The following PARD3B variants were observed in gnomAD, a reference collection of about 807,000 sequenced individuals.
PARD3B encodes the protein partitioning defective 3 homolog B.
PARD3B carries 103 observed loss-of-function variants against 130.2 expected under a neutral mutation model. That is an observed-to-expected ratio of 0.79 (90% confidence interval 0.67 to 0.93). PARD3B has a LOEUF of 0.93. Ranked by LOEUF, PARD3B falls within the 40% of genes least tolerant of loss-of-function variation. The pLI is 0.00. For missense variants in PARD3B, 1,609 were observed against 1,499.2 expected (o/e 1.07, Z -1.21); for synonymous variants, 583 against 553.2 (o/e 1.05, Z -0.76).
chr2:204,682,724 T>A (rs572514649), intron 1 of PARD3B, among the ~76,000 whole-genome samples: 1 of 152,334 alleles, frequency 6.6e-6, no homozygotes, highest in Admixed American at 6.5e-5. Context: ...TTTTTCTTCT[T>A]GGACTACAGG....
At chr2:204,885,194 C>T (rs1234625747) in intron 2 of PARD3B, among the ~76,000 whole-genome samples, 2 of 152,158 alleles carry the variant, frequency 1.3e-5, no homozygotes, top group Non-Finnish European at 2.9e-5. Flanking sequence ...GATGGTATCT[C>T]ATTGTGGTTT....
At chr2:204,618,069 T>G (rs1408626822) in intron 1 of PARD3B, among the ~76,000 whole-genome samples, 5 of 152,212 alleles carry the variant, frequency 3.3e-5, no homozygotes, top group Non-Finnish European at 7.3e-5. Flanking sequence ...CATGTAATTG[T>G]GCTTTCTCCA....
Position 205,525,098 on chromosome 2 carries a change from T to C in PARD3B, c.3180+25067T>C, listed in dbSNP as rs577915224. ...TTTTATTGCCTCACAAAGGCTATTT[T>C]CTTAGCTGCAACTTTCTTATTCACA... On this transcript the variant is annotated intron_variant, in intron 21 of 22. Coordinates refer to ENST00000406610, the MANE Select transcript of PARD3B (RefSeq NM_001302769.2). The surrounding 1 kb of genome is among the most constrained non-coding windows in gnomAD (Gnocchi z 4.2). Among the ~76,000 whole-genome samples the C allele has an allele frequency of 3.9e-5, 6 of 152,356 alleles. No homozygotes were observed. The highest frequency in any genetic ancestry group is 1.4e-4 in the African/African-American group (6 of 41,584).
intron 22 of PARD3B, among the ~76,000 whole-genome samples, chr2:205,607,843 C>T (rs867073980): frequency 0.011 from 1,670 of 148,128 alleles, 55 homozygotes; most frequent in African/African-American, 0.037. Context: ...CACACACACA[C>T]ACACACACAC....
intron 3 of PARD3B, among the ~76,000 whole-genome samples, chr2:204,971,894 A>T (rs543549221): frequency 8.8e-5 from 13 of 147,504 alleles, no homozygotes; most frequent in African/African-American, 3.3e-4. Flanking sequence ...CTGATCATGA[A>T]CTCCTGGCCT....
chr2:204,620,878 C>T (rs561741602), intron 1 of PARD3B, among the ~76,000 whole-genome samples: 2 of 152,014 alleles, frequency 1.3e-5, no homozygotes, highest in Admixed American at 6.6e-5. Flanking sequence ...AAGTTGCGTC[C>T]GTTATTCTGA....
intron 1 of PARD3B, among the ~76,000 whole-genome samples, chr2:204,590,789 T>G (rs2033041081): frequency 6.6e-6 from 1 of 152,238 alleles, no homozygotes; most frequent in African/African-American, 2.4e-5. Flanking sequence ...TTGAAAGAAT[T>G]AGTCAAAATA....
chr2:204,833,175 C>T (rs2043893807), intron 2 of PARD3B, among the ~76,000 whole-genome samples: 1 of 152,156 alleles, frequency 6.6e-6, no homozygotes, highest in Non-Finnish European at 1.5e-5. Flanking sequence ...CAAAAATGGA[C>T]ACCACACTAT....
At chr2:204,899,071 A>G (rs938909890) in intron 2 of PARD3B, among the ~76,000 whole-genome samples, 1 of 148,450 alleles carries the variant, frequency 6.7e-6, no homozygotes, top group African/African-American at 2.5e-5. Context: ...TTTTTAATCT[A>G]TGTCTTTTGA....
At chr2:204,781,235 T>G (rs1246307909) in intron 2 of PARD3B, among the ~76,000 whole-genome samples, 3 of 152,156 alleles carry the variant, frequency 2.0e-5, no homozygotes, top group African/African-American at 4.8e-5. Context: ...TTAATCTGCC[T>G]TTTAGCTCAA....
At chr2:204,762,916 A>T (rs1276431232) in intron 2 of PARD3B, among the ~76,000 whole-genome samples, 1 of 151,924 alleles carries the variant, frequency 6.6e-6, no homozygotes, top group African/African-American at 2.4e-5. Context: ...ATATGCCACC[A>T]TGCCCGGCTA....
At chr2:205,534,782 C>T (rs969690402) in intron 21 of PARD3B, among the ~76,000 whole-genome samples, 2 of 152,042 alleles carry the variant, frequency 1.3e-5, no homozygotes, top group African/African-American at 4.8e-5. Context: ...CCATTCTTAC[C>T]CATAGTGGTT....
intron 16 of PARD3B, among the ~76,000 whole-genome samples, chr2:205,279,639 C>T (rs992156588): frequency 2.0e-5 from 3 of 152,066 alleles, no homozygotes; most frequent in Non-Finnish European, 4.4e-5. Flanking sequence ...AGAGTCCTCC[C>T]CTAAAACTCT....
intron 18 of PARD3B, among the ~76,000 whole-genome samples, chr2:205,322,292 A>G (rs1197459303): frequency 6.6e-6 from 1 of 152,202 alleles, no homozygotes; most frequent in Non-Finnish European, 1.5e-5. Flanking sequence ...ATACTCTGCC[A>G]GTCTTTTTAT....
rs1692508683 is a variant in PARD3B, at chr2:204,979,755, A to T, written c.394+14432A>T. ...GATATAATCATTTGGCTTACATCAT[A>T]TTTGGTATTGCTGGTCAATTCAATA... On this transcript the variant is annotated intron_variant, in intron 3 of 22. Coordinates refer to ENST00000406610, the MANE Select transcript of PARD3B (RefSeq NM_001302769.2). Among the ~76,000 whole-genome samples the T allele has an allele frequency of 1.3e-5, 2 of 152,352 alleles. 1 individual carries two copies. Among genetic ancestry groups the T allele is most frequent in the Middle Eastern group, 6.8e-3 (2 of 294 alleles).
rs147826253 is a variant in PARD3B at position 205,254,494 on chromosome 2, A to G, written c.2185+8672A>G. On this transcript the variant is annotated intron_variant, in intron 16 of 22. Transcript: ENST00000406610. ...CCTAATATTGCTATTACTTCATGTA[A>G]GATGAAGGGTGTTTAGGTGTACGAG... 4.6e-4 allele frequency among the ~76,000 whole-genome samples: 70 copies of G among 152,214 alleles called. 1 individual carries two copies. The East Asian group carries it at 0.012, about 26-fold the overall frequency.
intron 15 of PARD3B, among the ~76,000 whole-genome samples, chr2:205,218,832 C>T (rs192570530): frequency 6.6e-6 from 1 of 152,236 alleles, no homozygotes; most frequent in East Asian, 1.9e-4. Context: ...GTAATCCAAG[C>T]ACTTTGGGAG....
At position 205,287,094 on chromosome 2, in the gene PARD3B, C is replaced by T. The variant is rs1030339162; in HGVS notation, c.2186-13436C>T. Among the ~76,000 whole-genome samples, 2 of 152,152 alleles carry T rather than the reference C, an allele frequency of 1.3e-5. No individual in the cohort carries two copies. Among genetic ancestry groups the T allele is most frequent in the African/African-American group, 4.8e-5 (2 of 41,428 alleles). On this transcript the variant is annotated intron_variant, in intron 16 of 22. Transcript: ENST00000406610. The surrounding 1 kb of genome is among the most constrained non-coding windows in gnomAD (Gnocchi z 4.8). ...TGCCTGTCTATAAGCTGGTGTCAGA[C>T]ACACTTCTCACTGGTGTGGTTAGCT... is the stretch of plus-strand genomic sequence containing the variant.
At chr2:205,381,313 C>T (rs182481673) in intron 18 of PARD3B, among the ~76,000 whole-genome samples, 149 of 147,084 alleles carry the variant, frequency 1.0e-3, no homozygotes, top group Admixed American at 1.9e-3. Flanking sequence ...ACACAAAATT[C>T]ACAATTTTTT....
Sources: gnomAD v4.1 joint callset for allele counts (sites outside exome capture counted in the v4.1 genomes callset) on GRCh38, gnomAD v4.1.1 for gene constraint, Gnocchi (gnomAD v3.1) non-coding constraint, MANE v1.5 for transcripts, NCBI Gene and HGNC (gene_info 2026-07-23, HGNC 2026-07-21) for gene names.